CAMK2B: variants seen among roughly 807,000 people sequenced by gnomAD.
The protein encoded by CAMK2B is calcium/calmodulin-dependent protein kinase type II subunit beta.
A neutral mutation model predicts 93.7 loss-of-function variants in CAMK2B; 27 were observed. The ratio of observed to expected loss-of-function variants is 0.29; its 90% CI spans 0.21 to 0.40. The LOEUF (loss-of-function observed/expected upper bound fraction) is 0.40, where lower values mean the gene tolerates loss of function less well. CAMK2B is among the 10% of genes least tolerant of loss of function. The probability of loss-of-function intolerance (pLI) is 1.00; values close to 1 mark genes in which losing one functional copy is unlikely to be tolerated. For synonymous variants in CAMK2B, 374 were observed against 358.8 expected (o/e 1.04, Z -0.48); for missense variants, 568 against 895.8 (o/e 0.63, Z 4.67).
At chr7:44,321,666 A>G (rs893867528) in intron 1 of CAMK2B, among the ~76,000 whole-genome samples, 1 of 152,246 alleles carries the variant, frequency 6.6e-6, no homozygotes, top group Non-Finnish European at 1.5e-5. Flanking sequence ...GGAGGGGCCC[A>G]TGAACCCCTG....
intron 1 of CAMK2B, among the ~76,000 whole-genome samples, chr7:44,310,116 C>G (rs941211746): frequency 6.6e-6 from 1 of 152,238 alleles, no homozygotes; most frequent in Non-Finnish European, 1.5e-5. Context: ...GCTTTGTGCC[C>G]GCTTGCTGCT....
intron 19 of CAMK2B, among the ~76,000 whole-genome samples, chr7:44,227,762 ACAGAGGGAGAGTCTGGG>A (rs1562805545): frequency 6.5e-4 from 4 of 6,148 alleles, no homozygotes; most frequent in Non-Finnish European, 1.1e-3. Flanking sequence ...GGTGTGGGGG[ACAGAGGGAGAGTCTGGG>A]GGACAGAGGA....
At chr7:44,241,640 C>T in intron 11 of CAMK2B, 60 bp downstream of exon 11, 2 of 1,399,110 alleles carry the variant, frequency 1.4e-6, no homozygotes, top group African/African-American at 1.4e-5. Flanking sequence ...CCCCCCTGCT[C>T]CAGCCCAGAG....
intron 1 of CAMK2B, among the ~76,000 whole-genome samples, chr7:44,322,937 C>T (rs767137749): frequency 6.6e-6 from 1 of 152,218 alleles, no homozygotes; most frequent in Non-Finnish European, 1.5e-5. Flanking sequence ...GGAAGCAACA[C>T]CAACTGTGCC....
chr7:44,241,980 A>T lies in CAMK2B; in HGVS notation c.820-197T>A, dbSNP rs62459100. 0.2 allele frequency among the ~76,000 whole-genome samples: 30,247 copies of T among 152,118 alleles called. 3,803 individuals carry two copies. Among genetic ancestry groups the T allele is most frequent in the Non-Finnish European group, 0.28 (18,986 of 67,952 alleles). On this transcript the variant is annotated intron_variant, in intron 10 of 23. Coordinates refer to ENST00000395749, the MANE Select transcript of CAMK2B (RefSeq NM_001220.5). ...TTGCCTCGTCCACTCTGCCCCTCAC[A>T]GACAGGACTGCAGTTGGGAGGAAGG...
chr7:44,245,490 C>T (rs2096720905), intron 6 of CAMK2B, among the ~76,000 whole-genome samples: 1 of 152,190 alleles, frequency 6.6e-6, no homozygotes, highest in Admixed American at 6.5e-5. Flanking sequence ...TACTTCTATG[C>T]CTTGGCTCCA....
At chr7:44,257,877 C>T (rs1324995009) in intron 4 of CAMK2B, among the ~76,000 whole-genome samples, 3 of 152,276 alleles carry the variant, frequency 2.0e-5, no homozygotes, top group Non-Finnish European at 2.9e-5. Flanking sequence ...GCAGCCCCCA[C>T]GCAGGCGTGT....
intron 22 of CAMK2B, 36 bp downstream of exon 22, chr7:44,220,580 C>G (rs1318362857): frequency 1.3e-6 from 2 of 1,542,242 alleles, no homozygotes; most frequent in African/African-American, 1.4e-5. Flanking sequence ...CCTGGGGGCA[C>G]CGCCCCCTCA....
intron 6 of CAMK2B, among the ~76,000 whole-genome samples, chr7:44,243,984 G>A (rs1584111185): frequency 6.6e-6 from 1 of 152,152 alleles, no homozygotes; most frequent in African/African-American, 2.4e-5. Context: ...TTCCCTCCCT[G>A]TTTCTCACTC....
chr7:44,307,520 C>T (rs930050309), intron 1 of CAMK2B, among the ~76,000 whole-genome samples: 4 of 151,950 alleles, frequency 2.6e-5, no homozygotes, highest in Non-Finnish European at 4.4e-5. Context: ...GCCATCTGGC[C>T]CCTGGCACTG....
chr7:44,234,461 G>A lies in CAMK2B; in HGVS notation c.1060C>T (p.Pro354Ser), dbSNP rs368239239. 8.4e-5 allele frequency: 132 copies of A among 1,571,200 alleles called. No homozygotes were observed. The highest frequency in any genetic ancestry group is 5.1e-4 in the Middle Eastern group (3 of 5,892). Residue 354 changes from proline (P) to serine (S), a missense_variant and splice_region_variant, in exon 15 of 24, where the codon CCC becomes TCC. Physicochemically the swap from Pro to Ser is moderately conservative, Grantham distance 74. Coordinates refer to ENST00000395749, the MANE Select transcript of CAMK2B (RefSeq NM_001220.5). ...LLNKKADGVK[P>S]QTNSTKNSAA... ...CTGTTTTTGGTGCTATTCGTCTGGGGCTGTGGAGAGAGGGAAGAGGAACTC... is the reference window on the plus strand; with the variant it reads ...CTGTTTTTGGTGCTATTCGTCTGGGACTGTGGAGAGAGGGAAGAGGAACTC...
rs73099818 is a variant in CAMK2B, at chr7:44,312,011, C to T, written c.65+13346G>A. ...GAGACTTTCCTCGCCACATCTCTGT[C>T]CCCACAGCCCAGAGGGGGAAACTGA... On this transcript the variant is annotated intron_variant, in intron 1 of 23. Transcript: ENST00000395749. This position sits in a 1 kb window ranked among gnomAD's most constrained non-coding sequence, Gnocchi z 4.1. Among the ~76,000 whole-genome samples the T allele has an allele frequency of 0.01, 1,565 of 152,314 alleles. 8 individuals carry two copies. The highest frequency in any genetic ancestry group is 0.018 in the Non-Finnish European group (1,210 of 68,020).
intron 13 of CAMK2B, among the ~76,000 whole-genome samples, chr7:44,237,527 G>A (rs1361602826): frequency 1.3e-5 from 2 of 152,180 alleles, no homozygotes; most frequent in African/African-American, 4.8e-5. Flanking sequence ...GCTTGTGCAC[G>A]CCTTGGGCGC....
chr7:44,248,658 T>C lies in CAMK2B; in HGVS notation c.342-1466A>G, dbSNP rs2096753146. On this transcript the variant is annotated intron_variant, in intron 5 of 23. Coordinates refer to ENST00000395749, the MANE Select transcript of CAMK2B (RefSeq NM_001220.5). This position sits in a 1 kb window ranked among gnomAD's most constrained non-coding sequence, Gnocchi z 4.1. ...GGGTCAGCAAGATGAGTGGGCTTTGTTTTCCTAACAGCAAATTCAGAGAAG... is the reference window on the plus strand; with the variant it reads ...GGGTCAGCAAGATGAGTGGGCTTTGCTTTCCTAACAGCAAATTCAGAGAAG... 2.0e-5 allele frequency among the ~76,000 whole-genome samples: 3 copies of C among 152,180 alleles called. No individual in the cohort carries two copies. The highest frequency in any genetic ancestry group is 4.8e-5 in the African/African-American group (2 of 41,446).
At chr7:44,238,328 T>C (rs539178937) in intron 13 of CAMK2B, among the ~76,000 whole-genome samples, 1 of 152,284 alleles carries the variant, frequency 6.6e-6, no homozygotes, top group South Asian at 2.1e-4. Context: ...CAGGCGGGCA[T>C]TGCAGCGGGA....
At chr7:44,234,276 A>T in intron 15 of CAMK2B, 114 bp downstream of exon 15, 1 of 921,760 alleles carries the variant, frequency 1.1e-6, no homozygotes, top group Non-Finnish European at 1.6e-6. Flanking sequence ...GAGTGCTGTC[A>T]GACAGGCCAG....
intron 12 of CAMK2B, among the ~76,000 whole-genome samples, chr7:44,240,465 G>T (rs918318479): frequency 1.3e-5 from 2 of 152,238 alleles, no homozygotes; most frequent in African/African-American, 4.8e-5. Flanking sequence ...TCGTGTTCAG[G>T]GGGTGGAGGG....
intron 6 of CAMK2B, 95 bp from the exon 7 acceptor site, chr7:44,243,622 G>C: frequency 1.0e-6 from 1 of 962,102 alleles, no homozygotes; most frequent in Non-Finnish European, 1.6e-6. Context: ...AGAAAACAGT[G>C]GTTTGCAAGA....
intron 20 of CAMK2B, among the ~76,000 whole-genome samples, chr7:44,221,332 C>T (rs528182550): frequency 6.6e-6 from 1 of 152,214 alleles, no homozygotes; most frequent in Non-Finnish European, 1.5e-5. Flanking sequence ...GCCCCACTCT[C>T]CTCCCGAGCC....
Sources: gnomAD v4.1 joint callset for allele counts (sites outside exome capture counted in the v4.1 genomes callset) on GRCh38, gnomAD v4.1.1 for gene constraint, Gnocchi (gnomAD v3.1) non-coding constraint, MANE v1.5 for transcripts, NCBI Gene and HGNC (gene_info 2026-07-23, HGNC 2026-07-21) for gene names.